The following SCUBE3 variants were observed in gnomAD, a reference collection of about 807,000 sequenced individuals.
The protein encoded by SCUBE3 is signal peptide, CUB domain and EGF like domain containing 3.
Under a neutral mutation model 116.8 loss-of-function variants are expected in SCUBE3, and 33 were observed. The observed-to-expected ratio is 0.28, with a 90% confidence interval of 0.21 to 0.38. The LOEUF (loss-of-function observed/expected upper bound fraction) is 0.38, where lower values mean the gene tolerates loss of function less well. SCUBE3 is among the 10% of genes least tolerant of loss of function. SCUBE3 has a pLI of 1.00. For synonymous variants in SCUBE3, 418 were observed against 496.9 expected (o/e 0.84, Z 2.11); for missense variants, 1,007 against 1,324.8 (o/e 0.76, Z 3.72).
At chr6:35,242,147 G>A in intron 12 of SCUBE3, 57 bp from the exon 13 acceptor site, 1 of 1,292,610 alleles carries the variant, frequency 7.7e-7, no homozygotes, top group South Asian at 1.2e-5. Context: ...AACCCCTACG[G>A]CACCCCCGAC....
At chr6:35,247,758 C>T (rs189965603) in intron 21 of SCUBE3, among the ~76,000 whole-genome samples, 79 of 152,286 alleles carry the variant, frequency 5.2e-4, no homozygotes, top group African/African-American at 1.7e-3. Context: ...AATCCACTGA[C>T]GCCATGGAAG....
Position 35,252,944 on chromosome 6 carries a change from G to A in SCUBE3, c.*4239G>A, listed in dbSNP as rs572378335. 3 of 152,236 alleles carry A rather than the reference G, an allele frequency of 2.0e-5. No individual in the cohort carries two copies. Among genetic ancestry groups the A allele is most frequent in the South Asian group, 4.2e-4 (2 of 4,814 alleles). The allele number at this position is 152,236 out of a possible 1,614,324, so 9.4% of individuals were successfully genotyped here. A position where few individuals can be genotyped will look rare whatever the true frequency, so the allele number is the denominator to read the frequency against. ...TTTAGTAAGCATCTCCTATACAATC[G>A]ACAATAAACAGCAAATGATGCAGTT... On this transcript the variant is annotated 3_prime_UTR_variant, in exon 22 of 22. Coordinates refer to ENST00000274938, the MANE Select transcript of SCUBE3 (RefSeq NM_152753.4).
intron 1 of SCUBE3, chr6:35,221,649 T>G (rs1201531528): frequency 3.1e-5 from 3 of 96,912 alleles, no homozygotes; most frequent in African/African-American, 8.3e-5. Flanking sequence ...TCAATAACTA[T>G]TGAGTGAGTG....
rs1784314606 is a variant in SCUBE3 at position 35,245,858 on chromosome 6, C to G, written c.2600-86C>G. On this transcript the variant is annotated intron_variant, in intron 19 of 21. Transcript: ENST00000274938. This position sits in a 1 kb window ranked among gnomAD's most constrained non-coding sequence, Gnocchi z 4.2. The stretch of plus-strand genomic sequence containing the variant: ...CAGAATGATTCTCTTGCCCTATACC[C>G]CCACCACCAGCTGTACAGCCCACGT... 2 of 1,404,606 alleles carry G rather than the reference C, an allele frequency of 1.4e-6. No individual in the cohort carries two copies. The highest frequency in any genetic ancestry group is 9.9e-7 in the Non-Finnish European group (1 of 1,012,556). 87.0% of individuals were successfully genotyped at this position (1,404,606 alleles called of 1,614,324 possible).
At chr6:35,246,747 G>A (rs563278649) in intron 21 of SCUBE3, among the ~76,000 whole-genome samples, 4 of 152,204 alleles carry the variant, frequency 2.6e-5, no homozygotes, top group Admixed American at 1.3e-4. Flanking sequence ...AGGCCGAGGC[G>A]GGTGGATCAC....
chr6:35,241,740 CT>C lies in SCUBE3; in HGVS notation c.1313-65del, dbSNP rs1196205985. The C allele has an allele frequency of 2.6e-5, 39 of 1,513,548 alleles. No individual in the cohort carries two copies. In the East Asian group the frequency reaches 8.1e-4, roughly 31 times the overall value. The allele number at this position is 1,513,548 out of a possible 1,614,324, so 93.8% of individuals were successfully genotyped here. A position where few individuals can be genotyped will look rare whatever the true frequency, so the allele number is the denominator to read the frequency against. ...CGTTCAGGCAGCTCCTTCATTCCCC[CT>C]GGATTCCTCCAGCCAGCGGGGGTTG... On this transcript the variant is annotated intron_variant, in intron 11 of 21. Coordinates refer to ENST00000274938, the MANE Select transcript of SCUBE3 (RefSeq NM_152753.4). This position sits in a 1 kb window ranked among gnomAD's most constrained non-coding sequence, Gnocchi z 4.1.
At chr6:35,216,091 G>T (rs1377827254) in intron 1 of SCUBE3, among the ~76,000 whole-genome samples, 1 of 152,244 alleles carries the variant, frequency 6.6e-6, no homozygotes, top group Non-Finnish European at 1.5e-5. Flanking sequence ...GCCAGTGTCT[G>T]TAGTGGCCTA....
rs531384531 is a variant in SCUBE3, at chr6:35,228,353, ATAAAT to A, written c.209-256_209-252del. The stretch of plus-strand genomic sequence containing the variant: ...TTGATGCATTATCTATGATGGTAAA[ATAAAT>A]TAAAGAAATCTAAATCTCTAACAAT... On this transcript the variant is annotated intron_variant, in intron 2 of 21. Coordinates refer to ENST00000274938, the MANE Select transcript of SCUBE3 (RefSeq NM_152753.4). The surrounding 1 kb of genome is among the most constrained non-coding windows in gnomAD (Gnocchi z 4.9). Among the ~76,000 whole-genome samples, 23 of 152,338 alleles carry A rather than the reference ATAAAT, an allele frequency of 1.5e-4. No individual in the cohort carries two copies. The highest frequency in any genetic ancestry group is 5.1e-4 in the African/African-American group (21 of 41,554).
In SCUBE3 at chr6:35,241,096, T is replaced by A. The variant is rs1272774597; in HGVS notation, c.1070-45T>A. The A allele has an allele frequency of 6.4e-7, 1 of 1,558,002 alleles. No individual in the cohort carries two copies. The highest frequency in any genetic ancestry group is 8.7e-7 in the Non-Finnish European group (1 of 1,143,150). On this transcript the variant is annotated intron_variant, in intron 9 of 21. Transcript: ENST00000274938. The surrounding 1 kb of genome is among the most constrained non-coding windows in gnomAD (Gnocchi z 4.1). ...TCACTGCCTACTCTCCGGCTCCTCC[T>A]CCAACTCCATCGTTGTTTTTCTGTC...
chr6:35,244,102 C>A lies in SCUBE3; in HGVS notation c.2211C>A (p.Ala737=). The A allele has an allele frequency of 6.2e-7, 1 of 1,613,942 alleles. No individual in the cohort carries two copies. Among genetic ancestry groups the A allele is most frequent in the South Asian group, 1.1e-5 (1 of 91,030 alleles). Residue 737 remains alanine, a synonymous_variant, in exon 17 of 22, where the codon GCC becomes GCA. Transcript: ENST00000274938. The surrounding 1 kb of genome is among the most constrained non-coding windows in gnomAD (Gnocchi z 4.3). ...GGGLTTKHEG[A]ISFQDCDTKV... ...GCCTCACCACCAAGCATGAAGGGGC[C>A]ATTTCCTTCCAAGACTGTGACACCA...
Position 35,214,540 on chromosome 6 carries a change from T to C in SCUBE3, c.85+37T>C. 1 of 1,347,380 alleles carries C rather than the reference T, an allele frequency of 7.4e-7. No homozygotes were observed. Among genetic ancestry groups the C allele is most frequent in the South Asian group, 1.5e-5 (1 of 68,924 alleles). 83.5% of individuals were successfully genotyped at this position (1,347,380 alleles called of 1,614,324 possible). A position where few individuals can be genotyped will look rare whatever the true frequency, so the allele number is the denominator to read the frequency against. ...GGGGCGCGCGGCCTGGGGGCTGTCC[T>C]GGCTGCTGGGCCTCAGGGCCTAGGA... On this transcript the variant is annotated intron_variant, in intron 1 of 21. Transcript: ENST00000274938. This position sits in a 1 kb window ranked among gnomAD's most constrained non-coding sequence, Gnocchi z 6.3.
In SCUBE3 at chr6:35,244,594, C is replaced by G; in HGVS notation, c.2240-56C>G. ...TGAATGTATCCTGTCCATCCCATGC[C>G]CCGTAACTCCCACCTGCCTACCATC... is the stretch of plus-strand genomic sequence containing the variant. On this transcript the variant is annotated intron_variant, in intron 17 of 21. Coordinates refer to ENST00000274938, the MANE Select transcript of SCUBE3 (RefSeq NM_152753.4). This position sits in a 1 kb window ranked among gnomAD's most constrained non-coding sequence, Gnocchi z 4.3. 7.0e-7 allele frequency: 1 copy of G among 1,437,222 alleles called. No individual in the cohort carries two copies. Among genetic ancestry groups the G allele is most frequent in the Non-Finnish European group, 9.8e-7 (1 of 1,023,360 alleles). 89.0% of individuals were successfully genotyped at this position (1,437,222 alleles called of 1,614,324 possible). A position where few individuals can be genotyped will look rare whatever the true frequency, so the allele number is the denominator to read the frequency against.
chr6:35,240,510 C>G lies in SCUBE3; in HGVS notation c.1069+20C>G. On this transcript the variant is annotated intron_variant, in intron 9 of 21. Coordinates refer to ENST00000274938, the MANE Select transcript of SCUBE3 (RefSeq NM_152753.4). The surrounding 1 kb of genome is among the most constrained non-coding windows in gnomAD (Gnocchi z 4.6). The stretch of plus-strand genomic sequence containing the variant: ...GTGGGGGTAAGCTAGTAAGCTTGCA[C>G]CCCCAGCCACCCTGGCCCCCTCACC... 2 of 1,301,042 alleles carry G rather than the reference C, an allele frequency of 1.5e-6. No homozygotes were observed. The highest frequency in any genetic ancestry group is 2.2e-6 in the Non-Finnish European group (2 of 911,124). 80.6% of individuals were successfully genotyped at this position (1,301,042 alleles called of 1,614,324 possible).
chr6:35,215,000 A>C lies in SCUBE3; in HGVS notation c.85+497A>C, dbSNP rs1297638032. On this transcript the variant is annotated intron_variant, in intron 1 of 21. Transcript: ENST00000274938. The surrounding 1 kb of genome is among the most constrained non-coding windows in gnomAD (Gnocchi z 6.3). ...TTATCAGTGGAAAAATGTTGAAGAAAAATAGGATCTTTTATGGAAAAATCA... is the reference window on the plus strand; with the variant it reads ...TTATCAGTGGAAAAATGTTGAAGAACAATAGGATCTTTTATGGAAAAATCA... 6.6e-6 allele frequency among the ~76,000 whole-genome samples: 1 copy of C among 152,208 alleles called. No homozygotes were observed. Among genetic ancestry groups the C allele is most frequent in the African/African-American group, 2.4e-5 (1 of 41,458 alleles).
rs1218999448 is a variant in SCUBE3, at chr6:35,242,204, A to C, written c.1418A>C (p.Glu473Ala). The change falls in exon 13 of 22, where the codon GAG becomes GCG. Residue 473 changes from glutamate (E) to alanine (A), a missense_variant and splice_region_variant. By Grantham distance (107) the Glu-to-Ala change is moderately radical. Transcript: ENST00000274938. ...TGCTGAGTTTCTACCATCCCTCTAGAGGCTGCAGTGCTGTCCATTAAACAA... is the reference window on the plus strand; with the variant it reads ...TGCTGAGTTTCTACCATCCCTCTAGCGGCTGCAGTGCTGTCCATTAAACAA... ...GNSTNSNHCH[E>A]AAVLSIKQRA... 6.2e-7 allele frequency: 1 copy of C among 1,607,974 alleles called. No homozygotes were observed. The highest frequency in any genetic ancestry group is 8.5e-7 in the Non-Finnish European group (1 of 1,174,596).
rs1784159352 is a variant in SCUBE3, at chr6:35,243,249, A to C, written c.1909+13A>C. 1.2e-6 allele frequency: 2 copies of C among 1,608,942 alleles called. No homozygotes were observed. The highest frequency in any genetic ancestry group is 1.1e-5 in the South Asian group (1 of 90,976). Reference sequence around the variant, plus strand: ...GGGACCAAGTGTGGTAAGGGAGCTTACTGGGGAGCAGGGATGTAGGAAAGA... The same window carrying C: ...GGGACCAAGTGTGGTAAGGGAGCTTCCTGGGGAGCAGGGATGTAGGAAAGA... On this transcript the variant is annotated intron_variant, in intron 15 of 21. Transcript: ENST00000274938. This position sits in a 1 kb window ranked among gnomAD's most constrained non-coding sequence, Gnocchi z 6.6.
intron 3 of SCUBE3, among the ~76,000 whole-genome samples, chr6:35,229,875 G>A (rs1334919748): frequency 6.6e-6 from 1 of 152,140 alleles, no homozygotes; most frequent in Non-Finnish European, 1.5e-5. Flanking sequence ...AAGCATAAAG[G>A]ACCAGGAAAG....
Position 35,214,583 on chromosome 6 carries a change from G to A in SCUBE3, c.85+80G>A. ...GCCTAGGAGCGATTCCCGAGGGGCA[G>A]GGCAGGTGCTGGGGAGCGTGCTGCT... On this transcript the variant is annotated intron_variant, in intron 1 of 21. Transcript: ENST00000274938. The surrounding 1 kb of genome is among the most constrained non-coding windows in gnomAD (Gnocchi z 6.3). 9 of 917,242 alleles carry A rather than the reference G, an allele frequency of 9.8e-6. No homozygotes were observed. Among genetic ancestry groups the A allele is most frequent in the Non-Finnish European group, 1.4e-5 (9 of 663,022 alleles). 56.8% of individuals were successfully genotyped at this position (917,242 alleles called of 1,614,324 possible). A position where few individuals can be genotyped will look rare whatever the true frequency, so the allele number is the denominator to read the frequency against.
Position 35,245,326 on chromosome 6 carries a change from A to G in SCUBE3, c.2500A>G (p.Ile834Val). Residue 834 changes from isoleucine (I) to valine (V), a missense_variant, in exon 19 of 22, where the codon ATC becomes GTC. Physicochemically the swap from Ile to Val is conservative, Grantham distance 29. This residue lies in a region of SCUBE3 where 544 missense variants were observed against 638.9 expected (regional missense o/e 0.85). Transcript: ENST00000274938. This position sits in a 1 kb window ranked among gnomAD's most constrained non-coding sequence, Gnocchi z 4.2. ...YPAGVECIWN[I>V]NPPPKRKILI... ...AGCTGGTGTGGAGTGCATCTGGAAC[A>G]TCAACCCCCCACCCAAGCGCAAGAT... 1.2e-6 allele frequency: 2 copies of G among 1,614,130 alleles called. 1 individual carries two copies. Among genetic ancestry groups the G allele is most frequent in the South Asian group, 2.2e-5 (2 of 91,082 alleles).
Sources: allele counts gnomAD v4.1 joint callset (sites outside exome capture counted in the v4.1 genomes callset), GRCh38; gene constraint gnomAD v4.1.1; regional missense constraint gnomAD v4.1.1; non-coding constraint Gnocchi (gnomAD v3.1); transcripts MANE v1.5; gene names NCBI Gene and HGNC (gene_info 2026-07-23, HGNC 2026-07-21).